The following ARFGEF1 variants were observed in gnomAD, a reference collection of about 807,000 sequenced individuals.
ARFGEF1 encodes ARF guanine nucleotide exchange factor 1.
ARFGEF1 carries 42 observed loss-of-function variants against 231.0 expected under a neutral mutation model. That is an observed-to-expected ratio of 0.18 (90% CI 0.14 to 0.24). The LOEUF is 0.24. Among genes scored for constraint, ARFGEF1 ranks in the 10% least tolerant of loss-of-function variants. The probability of loss-of-function intolerance (pLI) is 1.00; values close to 1 mark genes in which losing one functional copy is unlikely to be tolerated. For synonymous variants in ARFGEF1, 710 were observed against 732.3 expected (o/e 0.97, Z 0.49); for missense variants, 1,345 against 2,192.0 (o/e 0.61, Z 7.72).
chr8:67,252,886 G>T (rs145188638), intron 18 of ARFGEF1, among the ~76,000 whole-genome samples: 31 of 152,210 alleles, frequency 2.0e-4, no homozygotes, highest in African/African-American at 6.5e-4. Flanking sequence ...CCATTTATGT[G>T]TAACAAAAGA....
chr8:67,267,780 C>G (rs1804908265), intron 10 of ARFGEF1, among the ~76,000 whole-genome samples: 1 of 152,112 alleles, frequency 6.6e-6, no homozygotes, highest in African/African-American at 2.4e-5. Context: ...AATCCCCCTC[C>G]AAAAGCGTAA....
chr8:67,327,739 T>C (rs1307755579), intron 1 of ARFGEF1, among the ~76,000 whole-genome samples: 1 of 152,234 alleles, frequency 6.6e-6, no homozygotes, highest in Non-Finnish European at 1.5e-5. Context: ...CAACACTTTT[T>C]CCCTGTATAC....
chr8:67,177,603 AAGAT>A lies in ARFGEF1; in HGVS notation c.561-2035_561-2032del, dbSNP rs1224249477. ...ATTTCCAGTAGAGAGCTAGTCAAAA[AAGAT>A]ATTCTAAAATTTAATTTATATAGTA... On this transcript the variant is annotated intron_variant, in intron 5 of 5. Coordinates refer to the ARFGEF1 transcript ENST00000518789. The A allele has an allele frequency of 9.9e-6, 9 of 911,500 alleles. No homozygotes were observed. The African/African-American group carries it at 1.0e-4, about 10-fold the overall frequency. 56.5% of individuals were successfully genotyped at this position (911,500 alleles called of 1,614,324 possible).
intron 7 of ARFGEF1, among the ~76,000 whole-genome samples, chr8:67,285,869 T>G (rs1223320590): frequency 2.0e-5 from 3 of 152,138 alleles, no homozygotes; most frequent in South Asian, 2.1e-4. Context: ...AGGCAAAAGA[T>G]TCTTCAAAAA....
intron 1 of ARFGEF1, among the ~76,000 whole-genome samples, chr8:67,314,708 G>A (rs983183141): frequency 1.3e-5 from 2 of 152,128 alleles, no homozygotes; most frequent in African/African-American, 4.8e-5. Flanking sequence ...TTGCTGGTTT[G>A]TTCTTGCAGT....
At chr8:67,271,144 T>C (rs1387249021) in intron 10 of ARFGEF1, among the ~76,000 whole-genome samples, 7 of 151,492 alleles carry the variant, frequency 4.6e-5, no homozygotes, top group Non-Finnish European at 1.0e-4. Flanking sequence ...TCTGACAATA[T>C]TTTAGGACCA....
At chr8:67,211,687 CT>C (rs1395216720) in intron 33 of ARFGEF1, 72 bp from the exon 34 acceptor site, 1 of 957,140 alleles carries the variant, frequency 1.0e-6, no homozygotes, top group African/African-American at 1.7e-5. Flanking sequence ...TTCTAAAACG[CT>C]ATTTTAAAAA....
intron 1 of ARFGEF1, among the ~76,000 whole-genome samples, chr8:67,325,201 C>T (rs1807778710): frequency 6.6e-6 from 1 of 151,598 alleles, no homozygotes; most frequent in African/African-American, 2.4e-5. Flanking sequence ...GCGTGAGCCA[C>T]CACACCAGGC....
At chr8:67,301,972 C>T (rs142847938) in intron 2 of ARFGEF1, among the ~76,000 whole-genome samples, 2,470 of 152,058 alleles carry the variant, frequency 0.016, 69 homozygotes, top group African/African-American at 0.057. Context: ...TTTGGGAAGC[C>T]GAGGTGCGTG....
At chr8:67,221,552 ATG>A (rs1231233051) in intron 29 of ARFGEF1, among the ~76,000 whole-genome samples, 2 of 152,324 alleles carry the variant, frequency 1.3e-5, no homozygotes, top group East Asian at 1.9e-4. Context: ...TAGCTGTACA[ATG>A]TGTTTTAAGC....
At chr8:67,318,115 T>C (rs1807409573) in intron 1 of ARFGEF1, among the ~76,000 whole-genome samples, 1 of 151,484 alleles carries the variant, frequency 6.6e-6, no homozygotes, top group African/African-American at 2.4e-5. Context: ...CGGGCGCCTA[T>C]AGTCCCAGCT....
chr8:67,183,556 G>C (rs1217562499), intron 5 of ARFGEF1, among the ~76,000 whole-genome samples: 2 of 152,082 alleles, frequency 1.3e-5, no homozygotes, highest in African/African-American at 4.8e-5. Context: ...TAACGCATAG[G>C]TCAGAGAAAA....
chr8:67,312,663 T>C (rs1421409523), intron 1 of ARFGEF1, among the ~76,000 whole-genome samples: 1 of 152,212 alleles, frequency 6.6e-6, no homozygotes, highest in African/African-American at 2.4e-5. Flanking sequence ...CATATAACAC[T>C]ATTCTCCTCG....
In ARFGEF1 at chr8:67,343,368, G is replaced by A; in HGVS notation, c.-81C>T. The A allele has an allele frequency of 5.5e-6, 8 of 1,466,246 alleles. No individual in the cohort carries two copies. The highest frequency in any genetic ancestry group is 2.3e-5 in the South Asian group (2 of 85,956). The allele number at this position is 1,466,246 out of a possible 1,614,324, so 90.8% of individuals were successfully genotyped here. A position where few individuals can be genotyped will look rare whatever the true frequency, so the allele number is the denominator to read the frequency against. The stretch of plus-strand genomic sequence containing the variant: ...GGGAGGAGGAGGAGAGGAAGGAAGA[G>A]AAGAGAGAAAGGAGAGGGGGTGGAG... On this transcript the variant is annotated 5_prime_UTR_variant, in exon 1 of 39. Coordinates refer to ENST00000262215, the MANE Select transcript of ARFGEF1 (RefSeq NM_006421.5).
At chr8:67,192,697 G>T (rs763086790), downstream of ARFGEF1, among the ~76,000 whole-genome samples, 1 of 152,200 alleles carries the variant, frequency 6.6e-6, no homozygotes, top group African/African-American at 2.4e-5. Flanking sequence ...AGGGTGTGAG[G>T]TGCAGGGGTC....
chr8:67,335,422 T>G (rs1808300077), intron 1 of ARFGEF1, among the ~76,000 whole-genome samples: 1 of 151,958 alleles, frequency 6.6e-6, no homozygotes, highest in African/African-American at 2.4e-5. Context: ...ACAGTAAATT[T>G]TATTGTTGTA....
chr8:67,193,625 C>CTA, downstream of ARFGEF1: 1 of 1,599,712 alleles, frequency 6.3e-7, no homozygotes, highest in African/African-American at 1.3e-5. Flanking sequence ...GTGTAATGGC[C>CTA]TATAGTAGAA....
At chr8:67,243,618 C>A (rs566710229) in intron 19 of ARFGEF1, among the ~76,000 whole-genome samples, 1 of 152,264 alleles carries the variant, frequency 6.6e-6, no homozygotes, top group African/African-American at 2.4e-5. Flanking sequence ...TTTTGAATAC[C>A]TAGAAAGCCT....
At chr8:67,332,315 A>C (rs770776536) in intron 1 of ARFGEF1, among the ~76,000 whole-genome samples, 1 of 152,226 alleles carries the variant, frequency 6.6e-6, no homozygotes, top group Non-Finnish European at 1.5e-5. Context: ...AAATGTTACA[A>C]AATATTAATA....
Sources: gnomAD v4.1 joint callset for allele counts (sites outside exome capture counted in the v4.1 genomes callset) on GRCh38, gnomAD v4.1.1 for gene constraint, MANE v1.5 for transcripts, NCBI Gene and HGNC (gene_info 2026-07-23, HGNC 2026-07-21) for gene names.